The following KCNQ5 variants were observed in gnomAD, a reference collection of about 807,000 sequenced individuals.
KCNQ5 encodes potassium voltage-gated channel subfamily KQT member 5.
A neutral mutation model predicts 98.2 loss-of-function variants in KCNQ5; 30 were observed. The ratio of observed to expected loss-of-function variants is 0.31; its 90% confidence interval spans 0.23 to 0.41. The LOEUF (loss-of-function observed/expected upper bound fraction) is 0.41. Among genes scored for constraint, KCNQ5 ranks in the 10% least tolerant of loss-of-function variants. The pLI is 1.00. For missense variants in KCNQ5, 835 were observed against 1,182.5 expected, an observed-to-expected ratio of 0.71 and a Z score of 4.31; for synonymous variants, 458 against 449.4, an observed-to-expected ratio of 1.02 and a Z score of -0.24.
chr6:72,785,800 C>A (rs1773708779), intron 1 of KCNQ5, among the ~76,000 whole-genome samples: 1 of 152,182 alleles, frequency 6.6e-6, no homozygotes, highest in Admixed American at 6.5e-5. Context: ...TAAATCATCA[C>A]CGCTTGCTTG....
intron 1 of KCNQ5, among the ~76,000 whole-genome samples, chr6:72,685,790 T>C (rs1767918601): frequency 6.6e-6 from 1 of 152,224 alleles, no homozygotes; most frequent in South Asian, 2.1e-4. Flanking sequence ...TGTATGTTAG[T>C]ATATCAAGAG....
At chr6:72,947,953 A>G (rs999277944) in intron 1 of KCNQ5, among the ~76,000 whole-genome samples, 9 of 152,122 alleles carry the variant, frequency 5.9e-5, no homozygotes, top group Admixed American at 1.3e-4. Context: ...TTTTTAAAAA[A>G]CATTTTAAAA....
intron 1 of KCNQ5, among the ~76,000 whole-genome samples, chr6:72,956,413 C>G (rs1205222994): frequency 6.6e-6 from 1 of 151,458 alleles, no homozygotes; most frequent in African/African-American, 2.4e-5. Context: ...TAAACAAAAA[C>G]TCAAGCCATT....
chr6:72,846,456 T>C (rs1390282961), intron 1 of KCNQ5, among the ~76,000 whole-genome samples: 2 of 151,930 alleles, frequency 1.3e-5, no homozygotes, highest in Non-Finnish European at 2.9e-5. Flanking sequence ...GGAGGATTGC[T>C]TGACCTCAGG....
intron 1 of KCNQ5, among the ~76,000 whole-genome samples, chr6:72,944,502 T>C (rs1766450034): frequency 1.3e-5 from 2 of 152,220 alleles, no homozygotes; most frequent in South Asian, 2.1e-4. Flanking sequence ...AAGGCCTGTC[T>C]CTCACACAAG....
chr6:73,153,226 G>A (rs1777224974), intron 10 of KCNQ5, among the ~76,000 whole-genome samples: 1 of 152,108 alleles, frequency 6.6e-6, no homozygotes, highest in Non-Finnish European at 1.5e-5. Flanking sequence ...TCTCTCTGGT[G>A]TCAGCTAGTC....
chr6:73,028,477 G>C (rs1256017433), intron 2 of KCNQ5, among the ~76,000 whole-genome samples: 1 of 152,140 alleles, frequency 6.6e-6, no homozygotes, highest in Non-Finnish European at 1.5e-5. Flanking sequence ...CTTCAGCCCA[G>C]CCACCCCGTT....
chr6:72,986,368 A>G, intron 1 of KCNQ5: 1 of 407,300 alleles, frequency 2.5e-6, no homozygotes. Flanking sequence ...ATCACCAAGA[A>G]ACACAAAGCA....
chr6:72,765,120 C>A (rs1197159055), intron 1 of KCNQ5, among the ~76,000 whole-genome samples: 1 of 152,056 alleles, frequency 6.6e-6, no homozygotes, highest in Non-Finnish European at 1.5e-5. Context: ...GATTTCATTT[C>A]ATTTGGGTAT....
intron 1 of KCNQ5, among the ~76,000 whole-genome samples, chr6:72,694,175 A>G (rs1272908447): frequency 1.3e-5 from 2 of 151,984 alleles, no homozygotes; most frequent in African/African-American, 4.8e-5. Context: ...TTTTCTAGTA[A>G]TTACTCTCTT....
chr6:72,709,477 C>G (rs1025226232), intron 1 of KCNQ5, among the ~76,000 whole-genome samples: 1 of 152,170 alleles, frequency 6.6e-6, no homozygotes, highest in Non-Finnish European at 1.5e-5. Flanking sequence ...TTTATGGCCC[C>G]TAACAGAGAT....
intron 1 of KCNQ5, among the ~76,000 whole-genome samples, chr6:72,937,525 A>G (rs1056815813): frequency 6.6e-6 from 1 of 152,222 alleles, no homozygotes; most frequent in African/African-American, 2.4e-5. Context: ...GTTTCAATAA[A>G]AAGTAATTTT....
chr6:72,962,211 A>G (rs1216380591), intron 1 of KCNQ5, among the ~76,000 whole-genome samples: 2 of 141,468 alleles, frequency 1.4e-5, no homozygotes, highest in Non-Finnish European at 3.0e-5. Context: ...ACATATATAT[A>G]TATATACACA....
At chr6:73,042,294 G>A in intron 3 of KCNQ5, 1 of 528,182 alleles carries the variant, frequency 1.9e-6, no homozygotes, top group Non-Finnish European at 3.4e-6. Flanking sequence ...GAGGCAAAGA[G>A]AGACGGAGTT....
intron 2 of KCNQ5, among the ~76,000 whole-genome samples, chr6:73,035,252 T>C (rs1398986001): frequency 6.6e-6 from 1 of 152,180 alleles, no homozygotes; most frequent in African/African-American, 2.4e-5. Context: ...CCATTGTAAC[T>C]CCTACAAGGT....
chr6:72,986,823 A>G, intron 1 of KCNQ5: 1 of 1,202,910 alleles, frequency 8.3e-7, no homozygotes, highest in South Asian at 1.2e-5. Context: ...AAGGAAACAA[A>G]GGGGGCCCAG....
At chr6:72,705,445 T>A (rs577494314) in intron 1 of KCNQ5, among the ~76,000 whole-genome samples, 4 of 152,294 alleles carry the variant, frequency 2.6e-5, no homozygotes, top group Middle Eastern at 3.4e-3. Context: ...AAGTTGCTTC[T>A]TTGTGAAAGC....
intron 2 of KCNQ5, among the ~76,000 whole-genome samples, chr6:73,027,089 C>T (rs953567399): frequency 6.6e-6 from 1 of 152,118 alleles, no homozygotes; most frequent in Non-Finnish European, 1.5e-5. Flanking sequence ...AAACTTGTAG[C>T]TTATTAGTTA....
chr6:72,806,109 G>A (rs74751280), intron 1 of KCNQ5, among the ~76,000 whole-genome samples: 8 of 152,096 alleles, frequency 5.3e-5, no homozygotes, highest in African/African-American at 1.9e-4. Flanking sequence ...TTCTTTGATG[G>A]TCTTTCATGA....
Sources: gnomAD v4.1 joint callset for allele counts (sites outside exome capture counted in the v4.1 genomes callset) on GRCh38, gnomAD v4.1.1 for gene constraint, MANE v1.5 for transcripts, NCBI Gene and HGNC (gene_info 2026-07-23, HGNC 2026-07-21) for gene names.